Variants in ABHD3 observed in about 807,000 individuals in gnomAD.
The protein encoded by ABHD3 is phospholipase ABHD3.
ABHD3 carries 46 observed loss-of-function variants against 48.8 expected under a neutral mutation model. The ratio of observed to expected loss-of-function variants is 0.94; its 90% CI spans 0.74 to 1.20. The LOEUF (loss-of-function observed/expected upper bound fraction) is 1.20, where lower values mean the gene tolerates loss of function less well. Ranked by LOEUF, ABHD3 falls within the 50% of genes most tolerant of loss-of-function variation. The pLI is 0.00. For missense variants in ABHD3, 490 were observed against 497.8 expected (o/e 0.98, Z 0.15); for synonymous variants, 192 against 183.7 (o/e 1.04, Z -0.36).
chr18:21,683,603 A>G (rs1343259392), intron 4 of ABHD3: 1 of 481,064 alleles, frequency 2.1e-6, no homozygotes, highest in East Asian at 6.3e-5. Context: ...GTAGGTGAAT[A>G]ACTATCGATG....
intron 3 of ABHD3, among the ~76,000 whole-genome samples, chr18:21,684,311 C>CTTTTTTTTTTTTTT (rs564516602): frequency 2.4e-5 from 2 of 82,818 alleles, no homozygotes; most frequent in African/African-American, 5.4e-5. Flanking sequence ...AATGTTTTTG[C>CTTTTTTTTTTTTTT]TTTTTTTTTT....
chr18:21,671,496 T>C (rs2146300851), intron 4 of ABHD3, among the ~76,000 whole-genome samples: 1 of 152,206 alleles, frequency 6.6e-6, no homozygotes, highest in Admixed American at 6.5e-5. Flanking sequence ...CAAAAAACTC[T>C]GGTTAAATTC....
At position 21,651,558 on chromosome 18, in the gene ABHD3, GGT is replaced by G; in HGVS notation, c.*31_*32del. The G allele has an allele frequency of 6.2e-7, 1 of 1,611,728 alleles. No individual in the cohort carries two copies. The highest frequency in any genetic ancestry group is 8.5e-7 in the Non-Finnish European group (1 of 1,179,030). On this transcript the variant is annotated 3_prime_UTR_variant, in exon 9 of 9. Coordinates refer to ENST00000289119, the MANE Select transcript of ABHD3 (RefSeq NM_138340.5). ...TAAGCTGAGCTGCCTTCACAATTGT[GGT>G]TCAGACAAAATGCACCCAAAGAACT...
At chr18:21,661,795 C>G (rs2039504917) in intron 5 of ABHD3, 1 of 152,254 alleles carries the variant, frequency 6.6e-6, no homozygotes, top group African/African-American at 2.4e-5. Context: ...GCCTCAGCCT[C>G]CTGAGTAGCT....
chr18:21,704,148 A>C (rs571635395), intron 1 of ABHD3, among the ~76,000 whole-genome samples: 15 of 152,268 alleles, frequency 9.9e-5, no homozygotes, highest in South Asian at 2.1e-4. Context: ...CGGGCTCCCA[A>C]AGTGCTGAGA....
chr18:21,694,426 A>G (rs962582399), intron 3 of ABHD3, among the ~76,000 whole-genome samples: 1 of 152,280 alleles, frequency 6.6e-6, no homozygotes, highest in Middle Eastern at 3.4e-3. Flanking sequence ...AATTTTAACA[A>G]CTTTTAAATA....
intron 4 of ABHD3, among the ~76,000 whole-genome samples, chr18:21,674,883 T>C (rs1307480210): frequency 6.6e-6 from 1 of 152,028 alleles, no homozygotes; most frequent in East Asian, 1.9e-4. Context: ...CTTTAATCCT[T>C]TCTAAATGCC....
chr18:21,668,064 G>C (rs1475547910), intron 4 of ABHD3, among the ~76,000 whole-genome samples: 2 of 151,604 alleles, frequency 1.3e-5, no homozygotes, highest in Non-Finnish European at 2.9e-5. Context: ...AGCCGGGTGT[G>C]GTGGCAGGCA....
intron 1 of ABHD3, 153 bp from the exon 2 acceptor site, chr18:21,703,900 G>T: frequency 1.3e-6 from 1 of 749,102 alleles, no homozygotes; most frequent in African/African-American, 1.8e-5. Flanking sequence ...AGTCACAGAG[G>T]ACTGAAACGG....
At position 21,702,445 on chromosome 18, in the gene ABHD3, T is replaced by A; in HGVS notation, c.380A>T (p.Asn127Ile). Reference protein sequence around the residue: ...GGQISLDWFDNDNSTCYMDAS... With the variant: ...GGQISLDWFDIDNSTCYMDAS... ...ATCCATATAACACGTACTGTTATCA[T>A]TATCAAACCAGTCCAGTGAAATCTG... Residue 127 changes from asparagine to isoleucine, a missense_variant, in exon 3 of 9, where the codon AAT becomes ATT. Asn to Ile is a moderately radical substitution (Grantham distance 149). Coordinates refer to ENST00000289119, the MANE Select transcript of ABHD3 (RefSeq NM_138340.5). 1 of 1,613,296 alleles carries A rather than the reference T, an allele frequency of 6.2e-7. No individual in the cohort carries two copies. Among genetic ancestry groups the A allele is most frequent in the East Asian group, 2.2e-5 (1 of 44,840 alleles).
intron 4 of ABHD3, among the ~76,000 whole-genome samples, chr18:21,665,756 G>A (rs2039608712): frequency 6.6e-6 from 1 of 151,246 alleles, no homozygotes; most frequent in Non-Finnish European, 1.5e-5. Flanking sequence ...AGCTTGCAGT[G>A]AGCTGAGATC....
At chr18:21,694,778 T>C (rs776878850) in intron 3 of ABHD3, among the ~76,000 whole-genome samples, 3 of 152,268 alleles carry the variant, frequency 2.0e-5, no homozygotes, top group East Asian at 1.9e-4. Flanking sequence ...TCCTCATCGC[T>C]CTACTGAGAT....
intron 4 of ABHD3, among the ~76,000 whole-genome samples, chr18:21,669,453 T>C (rs2039708877): frequency 6.6e-6 from 1 of 152,258 alleles, no homozygotes; most frequent in Admixed American, 6.5e-5. Context: ...CTTAGGCTTG[T>C]ATCTGCTTAT....
rs1299849019 is a variant in ABHD3, at chr18:21,704,603, G to A, written c.63C>T (p.His21=). 1.9e-6 allele frequency: 3 copies of A among 1,554,890 alleles called. No homozygotes were observed. The highest frequency in any genetic ancestry group is 2.6e-6 in the Non-Finnish European group (3 of 1,153,352). The part of the protein sequence containing the change: ...LSRELSLYLE[H]QVRVGFFGSG... Reference sequence around the variant, plus strand: ...AGCCGAAGAACCCCACCCGGACTTGGTGTTCCAGGTAGAGGGAGAGCTCCC... The same window carrying A: ...AGCCGAAGAACCCCACCCGGACTTGATGTTCCAGGTAGAGGGAGAGCTCCC... Residue 21 remains histidine (H), a synonymous_variant, in exon 1 of 9, where the codon CAC becomes CAT. Transcript: ENST00000289119.
chr18:21,690,932 T>C (rs1220164987), intron 3 of ABHD3, among the ~76,000 whole-genome samples: 1 of 147,140 alleles, frequency 6.8e-6, no homozygotes, highest in African/African-American at 2.5e-5. Flanking sequence ...GAGAAGGAGG[T>C]TGCAGTGAGC....
At position 21,703,752 on chromosome 18, in the gene ABHD3, AG is replaced by A. The variant is rs773303944; in HGVS notation, c.163-6del. 6.2e-7 allele frequency: 1 copy of A among 1,611,928 alleles called. No homozygotes were observed. Among genetic ancestry groups the A allele is most frequent in the African/African-American group, 1.3e-5 (1 of 74,864 alleles). ...CCCGGTCACTAACTGGGGTTTCTGAAGGGAAAAGCAGTATCAGAGAAGGGCC... is the reference window on the plus strand; with the variant it reads ...CCCGGTCACTAACTGGGGTTTCTGAAGGAAAAGCAGTATCAGAGAAGGGCC... On this transcript the variant is annotated splice_polypyrimidine_tract_variant and splice_region_variant and intron_variant, in intron 1 of 8. Transcript: ENST00000289119.
At chr18:21,684,916 C>T (rs556442123) in intron 3 of ABHD3, among the ~76,000 whole-genome samples, 8 of 152,142 alleles carry the variant, frequency 5.3e-5, no homozygotes, top group Admixed American at 4.6e-4. Context: ...GGTAAATGGG[C>T]TCAGATCAAT....
At chr18:21,702,974 A>G (rs764120798) in intron 2 of ABHD3, among the ~76,000 whole-genome samples, 2 of 152,190 alleles carry the variant, frequency 1.3e-5, no homozygotes, top group Non-Finnish European at 2.9e-5. Context: ...GTATTCATGA[A>G]CTTACAGAAT....
intron 3 of ABHD3, among the ~76,000 whole-genome samples, chr18:21,686,803 A>G (rs978905466): frequency 6.6e-6 from 1 of 152,216 alleles, no homozygotes; most frequent in Non-Finnish European, 1.5e-5. Context: ...GGGATGAGCA[A>G]CCAGCTCTTT....
Sources: gnomAD v4.1 joint callset for allele counts (sites outside exome capture counted in the v4.1 genomes callset) on GRCh38, gnomAD v4.1.1 for gene constraint, MANE v1.5 for transcripts, NCBI Gene and HGNC (gene_info 2026-07-23, HGNC 2026-07-21) for gene names.